PRH1: variants seen among roughly 807,000 people sequenced by gnomAD.
PRH1 encodes the protein proline rich protein HaeIII subfamily 1.
Under a neutral mutation model 7.9 loss-of-function variants are expected in PRH1, and 7 were observed. The ratio of observed to expected loss-of-function variants is 0.89; its 90% CI spans 0.50 to 1.67. The LOEUF (loss-of-function observed/expected upper bound fraction) is 1.67. Ranked by LOEUF, PRH1 falls within the 40% of genes most tolerant of loss-of-function variation. The pLI is 0.00. For missense variants in PRH1, 109 were observed against 223.6 expected, an observed-to-expected ratio of 0.49 and a Z score of 3.27; for synonymous variants, 45 against 80.8, an observed-to-expected ratio of 0.56 and a Z score of 2.38.
intron 2 of PRH1, among the ~76,000 whole-genome samples, chr12:10,933,848 A>G (rs942276011): frequency 2.6e-5 from 4 of 152,122 alleles, no homozygotes; most frequent in Non-Finnish European, 5.9e-5. Context: ...ATTTTATTTA[A>G]TATTAGATAA....
chr12:11,025,237 T>C (rs756831032), intron 1 of PRH1, among the ~76,000 whole-genome samples: 4 of 152,050 alleles, frequency 2.6e-5, no homozygotes, highest in Non-Finnish European at 5.9e-5. Flanking sequence ...CCAGCATGGA[T>C]TGTCATTAAT....
At chr12:11,145,896 T>C (rs998340375) in intron 1 of PRH1, among the ~76,000 whole-genome samples, 17 of 152,258 alleles carry the variant, frequency 1.1e-4, no homozygotes, top group Admixed American at 1.0e-3. Flanking sequence ...TGTTAAGGCT[T>C]TTATCTTAAT....
chr12:10,963,735 A>G (rs1938367010), intron 2 of PRH1, among the ~76,000 whole-genome samples: 1 of 152,364 alleles, frequency 6.6e-6, no homozygotes, highest in Admixed American at 6.5e-5. Flanking sequence ...AGTTGTTCAC[A>G]TATTTGTATA....
intron 2 of PRH1, among the ~76,000 whole-genome samples, chr12:10,897,688 G>T (rs1591656746): frequency 6.6e-6 from 1 of 152,144 alleles, no homozygotes; most frequent in African/African-American, 2.4e-5. Flanking sequence ...TCTTCACATG[G>T]TTGGAGCAGG....
At chr12:10,882,815 C>T in intron 2 of PRH1, 117 bp from the exon 3 acceptor site, 1 of 1,510,298 alleles carries the variant, frequency 6.6e-7, no homozygotes, top group Non-Finnish European at 8.9e-7. Flanking sequence ...TCTCAACTCC[C>T]AACCTCCCCC....
chr12:11,101,242 A>AT (rs1373257902), intron 1 of PRH1, among the ~76,000 whole-genome samples: 1 of 152,148 alleles, frequency 6.6e-6, no homozygotes, highest in Non-Finnish European at 1.5e-5. Context: ...TAATCCCATC[A>AT]TTTGGGAGGC....
chr12:10,908,451 A>G, intron 2 of PRH1: 3 of 1,613,952 alleles, frequency 1.9e-6, no homozygotes, highest in South Asian at 1.1e-5. Flanking sequence ...AGCGTTTCCT[A>G]GAATCAGAAG....
intron 1 of PRH1, among the ~76,000 whole-genome samples, chr12:11,129,753 T>C (rs531255505): frequency 3.5e-4 from 54 of 152,394 alleles, no homozygotes; most frequent in Non-Finnish European, 7.3e-4. Flanking sequence ...CAATTTGCCT[T>C]GTAAGAATAA....
upstream of PRH1, chr12:11,047,220 A>T (rs1280660012): frequency 3.0e-6 from 1 of 335,038 alleles, no homozygotes; most frequent in Non-Finnish European, 6.2e-6. Context: ...AAATAGAAAG[A>T]GATGCTTGAG....
chr12:11,061,319 C>T, intron 1 of PRH1: 1 of 1,563,028 alleles, frequency 6.4e-7, no homozygotes, highest in South Asian at 1.2e-5. Flanking sequence ...CTTCATATAA[C>T]ACGTTTGTTT....
chr12:11,081,208 G>T (rs75548902), intron 1 of PRH1, among the ~76,000 whole-genome samples: 43,528 of 97,358 alleles, frequency 0.45, 7,322 homozygotes, highest in Non-Finnish European at 0.54. Context: ...TTCATTCTGT[G>T]TAGCTATCTT....
intron 1 of PRH1, among the ~76,000 whole-genome samples, chr12:11,031,646 C>CT (rs1401280154): frequency 6.6e-6 from 1 of 152,000 alleles, no homozygotes; most frequent in Non-Finnish European, 1.5e-5. Flanking sequence ...TCAGAGTGCC[C>CT]TTTTTTCAAT....
In PRH1 at chr12:11,153,902, C is replaced by T. The variant is rs531096394; in HGVS notation, n.39+17520G>A. Reference sequence around the variant, plus strand: ...TGTGAATTATGATAAATATTATGAGCTCACTAACAGATATTACCCCCAAAA... The same window carrying T: ...TGTGAATTATGATAAATATTATGAGTTCACTAACAGATATTACCCCCAAAA... On this transcript the variant is annotated intron_variant and non_coding_transcript_variant, in intron 1 of 1. Transcript: ENST00000541175. Among the ~76,000 whole-genome samples the T allele has an allele frequency of 2.6e-5, 4 of 152,100 alleles. No individual in the cohort carries two copies. The East Asian group carries it at 7.7e-4, about 29-fold the overall frequency.
In PRH1 at chr12:11,085,693, G is replaced by C. The variant is rs1322731784; in HGVS notation, n.124-38505C>G. Among the ~76,000 whole-genome samples the C allele has an allele frequency of 1.7e-5, 2 of 115,474 alleles. 1 individual carries two copies. Among genetic ancestry groups the C allele is most frequent in the African/African-American group, 5.8e-5 (2 of 34,552 alleles). 75.8% of individuals were successfully genotyped at this position (115,474 alleles called of 152,430 possible). A position where few individuals can be genotyped will look rare whatever the true frequency, so the allele number is the denominator to read the frequency against. On this transcript the variant is annotated intron_variant and non_coding_transcript_variant, in intron 1 of 4. Transcript: ENST00000541977. ...ACTCATATTCAAATACTATGTCCTT[G>C]TTATAAAATGTCTCATACTGATGTT...
chr12:10,924,034 C>A (rs1217990747), intron 2 of PRH1, among the ~76,000 whole-genome samples: 1 of 110,168 alleles, frequency 9.1e-6, no homozygotes, highest in Admixed American at 1.5e-4. Context: ...CTCGCTCTGT[C>A]GCCCAGGCTG....
chr12:11,170,362 C>T (rs1005884578), intron 1 of PRH1, among the ~76,000 whole-genome samples: 1 of 152,082 alleles, frequency 6.6e-6, no homozygotes, highest in African/African-American at 2.4e-5. Context: ...CTGGCTAACA[C>T]GGTGAAACCC....
chr12:11,085,109 G>A (rs934167357), intron 1 of PRH1, among the ~76,000 whole-genome samples: 1 of 50,402 alleles, frequency 2.0e-5, no homozygotes, highest in African/African-American at 4.7e-5. Context: ...TATCAGCCAC[G>A]ACACCCAACC....
At chr12:11,120,275 T>C (rs1207377297), downstream of PRH1, among the ~76,000 whole-genome samples, 1 of 152,254 alleles carries the variant, frequency 6.6e-6, no homozygotes, top group Non-Finnish European at 1.5e-5. Context: ...GTCCTCACTG[T>C]GCTTGATGAT....
intron 1 of PRH1, chr12:10,997,184 A>G (rs772942599): frequency 6.2e-7 from 1 of 1,614,138 alleles, no homozygotes; most frequent in South Asian, 1.1e-5. Flanking sequence ...GAAGGAGGTC[A>G]CAGTTTGCAG....
Sources: gnomAD v4.1 joint callset for allele counts (sites outside exome capture counted in the v4.1 genomes callset) on GRCh38, gnomAD v4.1.1 for gene constraint, MANE v1.5 for transcripts, NCBI Gene and HGNC (gene_info 2026-07-23, HGNC 2026-07-21) for gene names.